The following RBMS2 variants were observed in gnomAD, a reference collection of about 807,000 sequenced individuals.
RBMS2 encodes RNA binding motif single stranded interacting protein 2, also known as RNA-binding motif, single-stranded-interacting protein 2.
RBMS2 carries 38 observed loss-of-function variants against 58.4 expected under a neutral mutation model. That is an observed-to-expected ratio of 0.65 (90% CI 0.50 to 0.85). The LOEUF is 0.85. Ranked by LOEUF, RBMS2 falls within the 40% of genes least tolerant of loss-of-function variation. The probability of loss-of-function intolerance (pLI) is 0.00; values close to 1 mark genes in which losing one functional copy is unlikely to be tolerated. For synonymous variants in RBMS2, 151 were observed against 180.7 expected (o/e 0.84, Z 1.32); for missense variants, 367 against 503.7 (o/e 0.73, Z 2.60).
intron 1 of RBMS2, among the ~76,000 whole-genome samples, chr12:56,561,781 A>G (rs1471635747): frequency 6.9e-6 from 1 of 145,962 alleles, no homozygotes; most frequent in Non-Finnish European, 1.5e-5. Flanking sequence ...TTGGCCTCCC[A>G]AAGTGCTGGG....
At chr12:56,546,493 A>T (rs1452203987) in intron 1 of RBMS2, among the ~76,000 whole-genome samples, 2 of 150,074 alleles carry the variant, frequency 1.3e-5, no homozygotes, top group Non-Finnish European at 3.0e-5. Context: ...ATATACAAAA[A>T]ATATAATTTT....
intron 1 of RBMS2, among the ~76,000 whole-genome samples, chr12:56,538,118 C>T (rs979718800): frequency 1.3e-5 from 2 of 152,156 alleles, no homozygotes; most frequent in Admixed American, 6.6e-5. Flanking sequence ...TTGCAACCTC[C>T]ACCTCTTGGG....
intron 1 of RBMS2, among the ~76,000 whole-genome samples, chr12:56,524,788 C>T (rs940468998): frequency 4.0e-5 from 6 of 151,818 alleles, no homozygotes; most frequent in South Asian, 4.2e-4. Context: ...GGCGTGATTT[C>T]GGCTCACTGC....
intron 1 of RBMS2, among the ~76,000 whole-genome samples, chr12:56,557,760 C>T (rs1184566394): frequency 1.4e-5 from 2 of 144,158 alleles, no homozygotes; most frequent in African/African-American, 5.3e-5. Flanking sequence ...TTTTTTGAGA[C>T]GGAGTTTCGC....
At chr12:56,534,080 C>A (rs567633419) in intron 1 of RBMS2, among the ~76,000 whole-genome samples, 2 of 152,272 alleles carry the variant, frequency 1.3e-5, no homozygotes, top group South Asian at 4.1e-4. Flanking sequence ...CTTGCAACCA[C>A]TGCTGTAGTG....
intron 7 of RBMS2, 100 bp downstream of exon 7, chr12:56,581,608 G>A: frequency 7.7e-7 from 1 of 1,292,834 alleles, no homozygotes; most frequent in African/African-American, 1.5e-5. Flanking sequence ...AAGCTTGAGA[G>A]CTACAGTACG....
chr12:56,566,532 G>C (rs1006648346), intron 2 of RBMS2, among the ~76,000 whole-genome samples: 3 of 152,166 alleles, frequency 2.0e-5, no homozygotes, highest in African/African-American at 7.2e-5. Context: ...AAACACAACT[G>C]TTAGGCTGGG....
At chr12:56,560,359 C>T (rs188315474) in intron 1 of RBMS2, among the ~76,000 whole-genome samples, 3 of 151,836 alleles carry the variant, frequency 2.0e-5, no homozygotes, top group Admixed American at 2.0e-4. Context: ...CGGGTTCACA[C>T]CATTCTTCTG....
rs1339972327 is a variant in RBMS2 at position 56,592,989 on chromosome 12, G to T, written c.*3856G>T. The T allele has an allele frequency of 6.6e-6, 1 of 152,104 alleles. No individual in the cohort carries two copies. The highest frequency in any genetic ancestry group is 1.9e-4 in the East Asian group (1 of 5,164). The allele number at this position is 152,104 out of a possible 1,614,324, so 9.4% of individuals were successfully genotyped here. A position where few individuals can be genotyped will look rare whatever the true frequency, so the allele number is the denominator to read the frequency against. ...GCCCAGTTCGTTATTTTAAGTTTTT[G>T]TAGAGACAGGGGTCTTACTATGTTG... On this transcript the variant is annotated 3_prime_UTR_variant, in exon 14 of 14. Coordinates refer to ENST00000262031, the MANE Select transcript of RBMS2 (RefSeq NM_002898.4).
intron 2 of RBMS2, 126 bp downstream of exon 2, chr12:56,562,709 G>A (rs966694188): frequency 9.1e-7 from 1 of 1,100,690 alleles, no homozygotes; most frequent in African/African-American, 1.6e-5. Context: ...TGTCTCAGTA[G>A]CTGGGATTAC....
upstream of RBMS2, among the ~76,000 whole-genome samples, chr12:56,521,522 T>C (rs1871728059): frequency 6.8e-6 from 1 of 147,690 alleles, no homozygotes; most frequent in Admixed American, 6.8e-5. Context: ...TTTTTTTTTT[T>C]TGCGTGTTCT....
At chr12:56,584,340 G>A (rs919254732) in intron 9 of RBMS2, among the ~76,000 whole-genome samples, 5 of 151,884 alleles carry the variant, frequency 3.3e-5, no homozygotes, top group Admixed American at 2.6e-4. Context: ...GGCTGAGGTG[G>A]GAGAATTGCT....
intron 10 of RBMS2, among the ~76,000 whole-genome samples, chr12:56,587,135 C>T (rs567098079): frequency 4.6e-5 from 7 of 152,116 alleles, no homozygotes; most frequent in African/African-American, 1.4e-4. Flanking sequence ...GGTGTAGTGG[C>T]GGGTGCCTGT....
intron 5 of RBMS2, among the ~76,000 whole-genome samples, chr12:56,579,284 C>T (rs1225755667): frequency 3.9e-5 from 6 of 152,146 alleles, no homozygotes; most frequent in Admixed American, 2.6e-4. Context: ...CACAGCTCTA[C>T]GATACCTAAT....
chr12:56,562,918 C>A (rs1039636031), intron 2 of RBMS2, among the ~76,000 whole-genome samples: 5 of 152,052 alleles, frequency 3.3e-5, no homozygotes, highest in Non-Finnish European at 7.4e-5. Context: ...GTCAGGAGAT[C>A]GAGACCATCC....
At chr12:56,551,185 C>T (rs1268257584) in intron 1 of RBMS2, among the ~76,000 whole-genome samples, 1 of 151,882 alleles carries the variant, frequency 6.6e-6, no homozygotes, top group African/African-American at 2.4e-5. Context: ...TTGCTTCACT[C>T]CTTTGAATGG....
chr12:56,569,435 A>G (rs933966045), intron 3 of RBMS2, among the ~76,000 whole-genome samples: 14 of 152,056 alleles, frequency 9.2e-5, no homozygotes, highest in Admixed American at 7.9e-4. Context: ...GCAGTTCTAG[A>G]TAGAGCTGGA....
chr12:56,545,944 T>C (rs1387172540), intron 1 of RBMS2, among the ~76,000 whole-genome samples: 2 of 151,118 alleles, frequency 1.3e-5, no homozygotes, highest in African/African-American at 4.9e-5. Context: ...TTTCTTTTTT[T>C]TTTTTTTTTT....
In RBMS2 at chr12:56,589,984, G is replaced by C. The variant is rs1488551209; in HGVS notation, c.*851G>C. 6.6e-6 allele frequency: 1 copy of C among 152,228 alleles called. No homozygotes were observed. 9.4% of individuals were successfully genotyped at this position (152,228 alleles called of 1,614,324 possible). ...CTAGACTTTGGCTTCAGAAAGCACA[G>C]ATGTGACCCAGGCTTACTAAAGAGA... On this transcript the variant is annotated 3_prime_UTR_variant, in exon 14 of 14. Transcript: ENST00000262031.
Sources: allele counts gnomAD v4.1 joint callset (sites outside exome capture counted in the v4.1 genomes callset), GRCh38; gene constraint gnomAD v4.1.1; transcripts MANE v1.5; gene names NCBI Gene and HGNC (gene_info 2026-07-23, HGNC 2026-07-21).